Variants in CERS2 observed in about 807,000 individuals in gnomAD.
The protein encoded by CERS2 is ceramide synthase 2.
In CERS2, 20 loss-of-function variants were observed where a neutral mutation model predicts 56.6. That is an observed-to-expected ratio of 0.35 (90% confidence interval 0.25 to 0.51). The LOEUF is 0.51. Ranked by LOEUF, CERS2 falls within the 20% of genes least tolerant of loss-of-function variation. CERS2 has a pLI of 0.96. For synonymous variants in CERS2, 187 were observed against 175.4 expected, an observed-to-expected ratio of 1.07 and a Z score of -0.52; for missense variants, 361 against 488.6, an observed-to-expected ratio of 0.74 and a Z score of 2.46.
intron 5 of CERS2, 33 bp from the exon 6 acceptor site, chr1:150,967,747 G>A (rs1571673115): frequency 6.2e-7 from 1 of 1,611,282 alleles, no homozygotes. Context: ...TAAAAGAGGA[G>A]GAACCCAAAT....
chr1:150,966,909 G>A (rs772140808), intron 8 of CERS2, 47 bp from the exon 9 acceptor site: 80 of 1,483,682 alleles, frequency 5.4e-5, no homozygotes, highest in Middle Eastern at 4.0e-4. Flanking sequence ...TGACTCCCTC[G>A]AGTACATTCA....
chr1:150,968,236 C>T, intron 3 of CERS2, 35 bp from the exon 4 acceptor site: 1 of 1,594,484 alleles, frequency 6.3e-7, no homozygotes. Context: ...GTTATGTTTA[C>T]CTTCGGAACT....
intron 1 of CERS2, chr1:150,971,863 T>C (rs1191429668): frequency 2.1e-6 from 1 of 471,094 alleles, no homozygotes; most frequent in Non-Finnish European, 4.4e-6. Flanking sequence ...CTGCTGTCTC[T>C]TGGAGCCCAA....
chr1:150,965,897 G>A lies in CERS2; in HGVS notation c.*251C>T. Reference sequence around the variant, plus strand: ...GGGCCTCAAAAGCAGTAGAAAGGATGACTTGGCGGGTAGGGAGGAAAATAC... The same window carrying A: ...GGGCCTCAAAAGCAGTAGAAAGGATAACTTGGCGGGTAGGGAGGAAAATAC... On this transcript the variant is annotated 3_prime_UTR_variant, in exon 11 of 11. Coordinates refer to ENST00000368954, the MANE Select transcript of CERS2 (RefSeq NM_022075.5). 2 of 419,186 alleles carry A rather than the reference G, an allele frequency of 4.8e-6. No homozygotes were observed. Among genetic ancestry groups the A allele is most frequent in the Non-Finnish European group, 8.4e-6 (2 of 237,612 alleles). The allele number at this position is 419,186 out of a possible 1,614,324, so 26.0% of individuals were successfully genotyped here.
At chr1:150,971,929 T>G (rs1369056764) in intron 1 of CERS2, 1 of 470,744 alleles carries the variant, frequency 2.1e-6, no homozygotes, top group Admixed American at 2.4e-5. Context: ...AGTCCTAGAC[T>G]TCAGATCCCA....
In CERS2 at chr1:150,974,643, G is replaced by A. The variant is rs1275269441; in HGVS notation, c.-26C>T. On this transcript the variant is annotated 5_prime_UTR_variant, in exon 1 of 11. Transcript: ENST00000368954. The stretch of plus-strand genomic sequence containing the variant: ...CCCGGCGGCAGCGTTGGCGGGGCCG[G>A]GGCCGCTGCTCCGTGTACTCCGTCT... 6.7e-6 allele frequency: 1 copy of A among 150,168 alleles called. No individual in the cohort carries two copies. The highest frequency in any genetic ancestry group is 1.8e-4 in the South Asian group (1 of 5,454). 9.3% of individuals were successfully genotyped at this position (150,168 alleles called of 1,614,324 possible).
chr1:150,966,433 T>C, intron 10 of CERS2, 43 bp downstream of exon 10: 1 of 1,609,934 alleles, frequency 6.2e-7, no homozygotes, highest in Non-Finnish European at 8.5e-7. Flanking sequence ...TTCAGGAAGT[T>C]GTAGAGAGTA....
intron 1 of CERS2, among the ~76,000 whole-genome samples, chr1:150,970,925 C>T (rs781528910): frequency 9.2e-5 from 14 of 152,196 alleles, no homozygotes; most frequent in Admixed American, 2.6e-4. Flanking sequence ...CCTCCTCCCC[C>T]AACTGAAAGA....
At position 150,968,045 on chromosome 1, in the gene CERS2, A is replaced by ATT. The variant is rs1294556281; in HGVS notation, c.410+36_410+37dup. 2.5e-6 allele frequency: 4 copies of ATT among 1,576,352 alleles called. No homozygotes were observed. The South Asian group carries it at 4.4e-5, about 17-fold the overall frequency. On this transcript the variant is annotated intron_variant, in intron 4 of 10. Transcript: ENST00000368954. ...CCCTCCCAGCAAGACACATCAGGAT[A>ATT]TTCCTTGTCACCCAGCTTCTGCCCC... is the stretch of plus-strand genomic sequence containing the variant.
intron 4 of CERS2, 69 bp downstream of exon 4, chr1:150,968,014 G>T: frequency 6.8e-7 from 1 of 1,474,832 alleles, no homozygotes; most frequent in Non-Finnish European, 9.5e-7. Flanking sequence ...TATAGCCACC[G>T]CCTATCCCTC....
chr1:150,973,484 A>C (rs1671233690), intron 1 of CERS2, among the ~76,000 whole-genome samples: 1 of 152,244 alleles, frequency 6.6e-6, no homozygotes, highest in African/African-American at 2.4e-5. Context: ...CAGAGGCCCC[A>C]GTGAGGGAAG....
At position 150,968,453 on chromosome 1, in the gene CERS2, G is replaced by T; in HGVS notation, c.233C>A (p.Ala78Glu). The change falls in exon 3 of 11, where the codon GCA (alanine) becomes GAA (glutamate). Residue 78 changes from alanine to glutamate, a missense_variant. This residue lies in a region of CERS2 where 236 missense variants were observed against 309.2 expected (regional missense o/e 0.76). Coordinates refer to ENST00000368954, the MANE Select transcript of CERS2 (RefSeq NM_022075.5). Reference sequence around the variant, plus strand: ...ATGTTCCAAGGTGGCGTTGGGAGGTGCCCGCAGCCGAGTTTTCTCCTTTAT... The same window carrying T: ...ATGTTCCAAGGTGGCGTTGGGAGGTTCCCGCAGCCGAGTTTTCTCCTTTAT... The part of the protein sequence containing the change: ...LNIKEKTRLR[A>E]PPNATLEHFY... 6.2e-7 allele frequency: 1 copy of T among 1,614,202 alleles called. No homozygotes were observed. Among genetic ancestry groups the T allele is most frequent in the Non-Finnish European group, 8.5e-7 (1 of 1,180,024 alleles).
Position 150,967,670 on chromosome 1 carries a change from G to A in CERS2, c.513C>T (p.Pro171=). The change falls in exon 6 of 11, where the codon CCC becomes CCT. Residue 171 remains proline, a synonymous_variant. Coordinates refer to ENST00000368954, the MANE Select transcript of CERS2 (RefSeq NM_022075.5). The part of the protein sequence containing the change: ...YDMKKVWEGY[P]IQSTIPSQYW... ...GAGGAAGCAGAACTCATACCTGTAT[G>A]GGATATCCCTCCCAAACTTTCTTCA... 3 of 1,612,978 alleles carry A rather than the reference G, an allele frequency of 1.9e-6. No homozygotes were observed. Among genetic ancestry groups the A allele is most frequent in the Non-Finnish European group, 2.5e-6 (3 of 1,178,984 alleles).
At chr1:150,970,620 C>T (rs938555480) in intron 1 of CERS2, among the ~76,000 whole-genome samples, 2 of 152,148 alleles carry the variant, frequency 1.3e-5, no homozygotes, top group African/African-American at 2.4e-5. Flanking sequence ...CTCAGCCTCC[C>T]GAGTGCCTGG....
chr1:150,972,902 C>T (rs587737010), intron 1 of CERS2, among the ~76,000 whole-genome samples: 92 of 152,298 alleles, frequency 6.0e-4, no homozygotes, highest in Non-Finnish European at 1.0e-3. Context: ...GTTTGTAGAT[C>T]CAAACGGCTG....
chr1:150,972,760 G>T (rs1200264911), intron 1 of CERS2, among the ~76,000 whole-genome samples: 4 of 152,170 alleles, frequency 2.6e-5, no homozygotes, highest in African/African-American at 9.7e-5. Context: ...AGAAGAGCAG[G>T]GATTTAACTG....
At position 150,965,979 on chromosome 1, in the gene CERS2, T is replaced by A; in HGVS notation, c.*169A>T. Reference sequence around the variant, plus strand: ...GTCCCCCTACCTGGGGATAGGCTGGTTAGAATTTGGTTTAAAGGCAACTGG... The same window carrying A: ...GTCCCCCTACCTGGGGATAGGCTGGATAGAATTTGGTTTAAAGGCAACTGG... On this transcript the variant is annotated 3_prime_UTR_variant, in exon 11 of 11. Coordinates refer to ENST00000368954, the MANE Select transcript of CERS2 (RefSeq NM_022075.5). The A allele has an allele frequency of 1.5e-6, 1 of 664,512 alleles. No homozygotes were observed. The highest frequency in any genetic ancestry group is 2.5e-6 in the Non-Finnish European group (1 of 407,684). 41.2% of individuals were successfully genotyped at this position (664,512 alleles called of 1,614,324 possible).
Position 150,967,655 on chromosome 1 carries a change from A to G in CERS2, c.519+9T>C, listed in dbSNP as rs1361055892. ...AGTCCACCCCCACATGAGGAAGCAGAACTCATACCTGTATGGGATATCCCT... is the reference window on the plus strand; with the variant it reads ...AGTCCACCCCCACATGAGGAAGCAGGACTCATACCTGTATGGGATATCCCT... On this transcript the variant is annotated intron_variant, in intron 6 of 10. Coordinates refer to ENST00000368954, the MANE Select transcript of CERS2 (RefSeq NM_022075.5). 6.2e-7 allele frequency: 1 copy of G among 1,610,620 alleles called. No individual in the cohort carries two copies.
chr1:150,968,626 T>C, intron 2 of CERS2, 114 bp from the exon 3 acceptor site: 3 of 894,234 alleles, frequency 3.4e-6, no homozygotes, highest in Non-Finnish European at 5.4e-6. Flanking sequence ...CCCCCTTTTC[T>C]CTAGCCTCCA....
Sources: gnomAD v4.1 joint callset for allele counts (sites outside exome capture counted in the v4.1 genomes callset) on GRCh38, gnomAD v4.1.1 for gene constraint, gnomAD v4.1.1 regional missense constraint, MANE v1.5 for transcripts, NCBI Gene and HGNC (gene_info 2026-07-23, HGNC 2026-07-21) for gene names.